COL4A4: variants seen among roughly 807,000 people sequenced by gnomAD.
COL4A4 encodes the protein collagen type IV alpha 4 chain.
Under a neutral mutation model 192.9 loss-of-function variants are expected in COL4A4, and 105 were observed. The observed-to-expected ratio is 0.54, with a 90% CI of 0.46 to 0.64. The LOEUF (loss-of-function observed/expected upper bound fraction) is 0.64. Among genes scored for constraint, COL4A4 ranks in the 30% least tolerant of loss-of-function variants. COL4A4 has a pLI of 0.00. For synonymous variants in COL4A4, 762 were observed against 769.9 expected (o/e 0.99, Z 0.17); for missense variants, 1,967 against 2,169.3 (o/e 0.91, Z 1.85).
At chr2:227,049,436 C>T (rs1286628410) in intron 34 of COL4A4, among the ~76,000 whole-genome samples, 1 of 152,210 alleles carries the variant, frequency 6.6e-6, no homozygotes, top group Non-Finnish European at 1.5e-5. Flanking sequence ...GCTGCTTTCA[C>T]ACTATAACAA....
chr2:227,100,205 A>G (rs868553034), intron 17 of COL4A4, among the ~76,000 whole-genome samples: 1 of 152,212 alleles, frequency 6.6e-6, no homozygotes, highest in South Asian at 2.1e-4. Flanking sequence ...GAAAGAAAAA[A>G]TGCAGTGGTG....
chr2:227,041,816 G>GA (rs1287572505), intron 37 of COL4A4, among the ~76,000 whole-genome samples: 1 of 35,866 alleles, frequency 2.8e-5, no homozygotes, highest in African/African-American at 2.0e-4. Context: ...AAGAAAGAAA[G>GA]AAAGAAAGAA....
chr2:227,147,463 T>A lies in COL4A4; in HGVS notation c.21A>T (p.Val7=), dbSNP rs1237396954. 1 of 1,613,802 alleles carries A rather than the reference T, an allele frequency of 6.2e-7. No homozygotes were observed. Among genetic ancestry groups the A allele is most frequent in the South Asian group, 1.1e-5 (1 of 91,084 alleles). The change falls in exon 2 of 48, where the codon GTA becomes GTT. Residue 7 remains valine, a synonymous_variant. Coordinates refer to ENST00000396625, the MANE Select transcript of COL4A4 (RefSeq NM_000092.5). MWSLHI[V]LMRCSFRLTK... ...TCAATCTGAAGGAGCACCTCATTAG[T>A]ACTATGTGCAGAGACCACATCGCAG...
Position 227,008,063 on chromosome 2 carries a change from A to G in COL4A4, c.4764T>C (p.Cys1588=), listed in dbSNP as rs1184642885. ...TCCAGAGGCTCCTCCAGGTCTGCGG[A>G]CATGGGGGGATGGACTGGTCCTGGC... ...VHSQDQSIPP[C]PQTWRSLWIG... The change falls in exon 47 of 48, where the codon TGT becomes TGC. Residue 1588 remains cysteine (C), a synonymous_variant. Transcript: ENST00000396625. 6 of 1,613,792 alleles carry G rather than the reference A, an allele frequency of 3.7e-6. No homozygotes were observed. Among genetic ancestry groups the G allele is most frequent in the Non-Finnish European group, 5.1e-6 (6 of 1,180,012 alleles).
At chr2:226,976,408 A>G in the COL4A4 span, among the ~76,000 whole-genome samples, 8 of 151,888 alleles carry the variant, frequency 5.3e-5, no homozygotes, top group Admixed American at 3.3e-4. Flanking sequence ...TCAAAGGAGC[A>G]GTACCCCAAT....
chr2:227,161,260 T>C lies in COL4A4; in HGVS notation c.-102+2747A>G, dbSNP rs775768568. On this transcript the variant is annotated intron_variant, in intron 1 of 47. Transcript: ENST00000396625. ...TAATGGGGCTTACATTGAAATGTAG[T>C]GAAGCAGACACAACTATTTAAACAG... is the stretch of plus-strand genomic sequence containing the variant. Among the ~76,000 whole-genome samples, 62 of 152,214 alleles carry C rather than the reference T, an allele frequency of 4.1e-4. 1 individual carries two copies. Among genetic ancestry groups the C allele is most frequent in the Non-Finnish European group, 5.7e-4 (39 of 68,032 alleles).
chr2:227,071,016 T>C (rs1425722432), intron 25 of COL4A4, among the ~76,000 whole-genome samples: 1 of 151,972 alleles, frequency 6.6e-6, no homozygotes, highest in Non-Finnish European at 1.5e-5. Flanking sequence ...AAAAGACAAC[T>C]ATCTGGGTAA....
At chr2:227,119,217 T>C (rs1292956112) in intron 6 of COL4A4, among the ~76,000 whole-genome samples, 1 of 152,038 alleles carries the variant, frequency 6.6e-6, no homozygotes, top group African/African-American at 2.4e-5. Flanking sequence ...TATTTTGGAA[T>C]TTTTTCTCTA....
chr2:227,156,006 G>C (rs151275266), intron 1 of COL4A4, among the ~76,000 whole-genome samples: 3 of 152,004 alleles, frequency 2.0e-5, no homozygotes, highest in Non-Finnish European at 4.4e-5. Flanking sequence ...GCAATGCCTG[G>C]CATGTAGGAG....
intron 12 of COL4A4, among the ~76,000 whole-genome samples, chr2:227,106,790 T>C (rs2060872363): frequency 6.6e-6 from 1 of 152,196 alleles, no homozygotes; most frequent in Non-Finnish European, 1.5e-5. Flanking sequence ...GGTCTCGAAC[T>C]CCTGACCTGA....
In COL4A4 at chr2:227,099,635, G is replaced by A. The variant is rs1418303214; in HGVS notation, c.1084C>T (p.Pro362Ser). 6.2e-7 allele frequency: 1 copy of A among 1,613,928 alleles called. No homozygotes were observed. The highest frequency in any genetic ancestry group is 8.5e-7 in the Non-Finnish European group (1 of 1,179,966). ...PGPPGVLVTP[P>S]LPLKGPPGDP... is the part of the protein sequence containing the mutation. Reference sequence around the variant, plus strand: ...GAACACAAACCTTTGAGTGGAAGAGGTGGAGTCACCAAAACACCTGGTGGT... The same window carrying A: ...GAACACAAACCTTTGAGTGGAAGAGATGGAGTCACCAAAACACCTGGTGGT... Residue 362 changes from proline to serine, a missense_variant, in exon 18 of 48, where the codon CCT (proline) becomes TCT (serine). Transcript: ENST00000396625.
intron 27 of COL4A4, 32 bp downstream of exon 27, chr2:227,060,101 GAAA>G (rs71422223): frequency 8.2e-4 from 413 of 504,964 alleles, no homozygotes; most frequent in East Asian, 1.4e-3. Context: ...TCCCAAAGCA[GAAA>G]AAAAAAAAAA....
intron 24 of COL4A4, 87 bp from the exon 25 acceptor site, chr2:227,078,164 A>G (rs575687222): frequency 1.5e-6 from 2 of 1,334,882 alleles, no homozygotes; most frequent in East Asian, 4.7e-5. Flanking sequence ...AAACACACGC[A>G]AAAGTCCATA....
At chr2:227,082,210 A>T in intron 22 of COL4A4, 23 bp from the exon 23 acceptor site, 1 of 1,592,468 alleles carries the variant, frequency 6.3e-7, no homozygotes, top group Non-Finnish European at 8.6e-7. Context: ...TAAGAGAAAC[A>T]AATTAGGTTA....
At chr2:227,126,610 T>C (rs1276567998) in intron 4 of COL4A4, among the ~76,000 whole-genome samples, 3 of 152,248 alleles carry the variant, frequency 2.0e-5, no homozygotes, top group East Asian at 1.9e-4. Context: ...TGTGATTTTG[T>C]ATTTAGTGCG....
In COL4A4 at chr2:227,042,247, C is replaced by G. The variant is rs749015646; in HGVS notation, c.3406G>C (p.Gly1136Arg). Residue 1136 changes from glycine to arginine, a missense_variant, in exon 37 of 48, where the codon GGG becomes CGG. Gly to Arg is a moderately radical substitution (Grantham distance 125). Transcript: ENST00000396625. ...SGPPGCPGDH[G>R]MPGLRGQPGE... ...GGCTGTCCCCTCAGCCCAGGCATCCCGTGATCACCTGAGGATGACAGGGAA... is the reference window on the plus strand; with the variant it reads ...GGCTGTCCCCTCAGCCCAGGCATCCGGTGATCACCTGAGGATGACAGGGAA... 6.2e-7 allele frequency: 1 copy of G among 1,608,840 alleles called. No individual in the cohort carries two copies. The highest frequency in any genetic ancestry group is 8.5e-7 in the Non-Finnish European group (1 of 1,175,376).
chr2:227,159,420 A>C (rs572102136), intron 1 of COL4A4, among the ~76,000 whole-genome samples: 1 of 152,362 alleles, frequency 6.6e-6, no homozygotes, highest in South Asian at 2.1e-4. Flanking sequence ...GGGTGGATGC[A>C]TCGGCAAAAC....
intron 1 of COL4A4, among the ~76,000 whole-genome samples, chr2:227,155,661 G>A (rs761219207): frequency 6.6e-6 from 1 of 152,084 alleles, no homozygotes; most frequent in African/African-American, 2.4e-5. Flanking sequence ...AATTCCACTA[G>A]GCAGGGTCCA....
At chr2:227,163,165 G>T (rs894764511) in intron 1 of COL4A4, among the ~76,000 whole-genome samples, 6 of 152,214 alleles carry the variant, frequency 3.9e-5, no homozygotes, top group African/African-American at 1.4e-4. Context: ...AAAATAAGTT[G>T]CATCTTTACT....
Sources: gnomAD v4.1 joint callset for allele counts (sites outside exome capture counted in the v4.1 genomes callset) on GRCh38, gnomAD v4.1.1 for gene constraint, MANE v1.5 for transcripts, NCBI Gene and HGNC (gene_info 2026-07-23, HGNC 2026-07-21) for gene names.